Variants in LRP1B observed in about 807,000 individuals in gnomAD.
The protein encoded by LRP1B is LDL receptor related protein 1B.
LRP1B carries 217 observed loss-of-function variants against 556.6 expected under a neutral mutation model. The ratio of observed to expected loss-of-function variants is 0.39; its 90% CI spans 0.35 to 0.44. The LOEUF (loss-of-function observed/expected upper bound fraction) is 0.44. Ranked by LOEUF, LRP1B falls within the 20% of genes least tolerant of loss-of-function variation. The pLI is 1.00. For synonymous variants in LRP1B, 2,047 were observed against 1,865.8 expected (o/e 1.10, Z -2.50); for missense variants, 5,053 against 5,620.8 (o/e 0.90, Z 3.23).
intron 2 of LRP1B, among the ~76,000 whole-genome samples, chr2:141,522,995 T>G (rs977910776): frequency 2.6e-5 from 4 of 152,126 alleles, no homozygotes; most frequent in African/African-American, 7.2e-5. Context: ...TCCTCTGTCC[T>G]GGAGAACAAT....
intron 2 of LRP1B, among the ~76,000 whole-genome samples, chr2:141,662,401 T>G (rs2105397867): frequency 6.6e-6 from 1 of 151,544 alleles, no homozygotes; most frequent in African/African-American, 2.4e-5. Context: ...GCATAAAGAG[T>G]CAAGACCCAT....
At chr2:141,246,277 G>GA (rs1037458116) in intron 5 of LRP1B, among the ~76,000 whole-genome samples, 6 of 152,132 alleles carry the variant, frequency 3.9e-5, no homozygotes, top group African/African-American at 1.4e-4. Context: ...AATATCACAG[G>GA]AAAAATCATT....
intron 11 of LRP1B, among the ~76,000 whole-genome samples, chr2:141,020,394 T>C (rs1698031276): frequency 6.6e-6 from 1 of 152,044 alleles, no homozygotes; most frequent in Non-Finnish European, 1.5e-5. Context: ...TTTATTGTAA[T>C]TCAGTGATCT....
At chr2:141,025,531 T>G (rs2105405366) in intron 11 of LRP1B, among the ~76,000 whole-genome samples, 1 of 152,192 alleles carries the variant, frequency 6.6e-6, no homozygotes, top group Non-Finnish European at 1.5e-5. Context: ...ATAATGTGGG[T>G]TCGCCTCATC....
intron 20 of LRP1B, among the ~76,000 whole-genome samples, chr2:140,940,117 T>C (rs958012082): frequency 1.3e-5 from 2 of 152,016 alleles, no homozygotes; most frequent in African/African-American, 4.8e-5. Flanking sequence ...ACTCCTGACC[T>C]CAAGTGATCC....
rs571605649 is a variant in LRP1B, at chr2:140,657,618, CATAT to C, written c.6799+42628_6799+42631del. ...ACATATATATACATATATATACATA[CATAT>C]ATACATACATATATATACATACATA... On this transcript the variant is annotated intron_variant, in intron 41 of 90. Transcript: ENST00000389484. Among the ~76,000 whole-genome samples the C allele has an allele frequency of 4.3e-3, 494 of 115,694 alleles. 1 individual carries two copies. Among genetic ancestry groups the C allele is most frequent in the African/African-American group, 0.015 (476 of 31,518 alleles). The allele number at this position is 115,694 out of a possible 152,430, so 75.9% of individuals were successfully genotyped here.
At chr2:140,990,634 T>C (rs1246043030) in intron 16 of LRP1B, among the ~76,000 whole-genome samples, 1 of 151,598 alleles carries the variant, frequency 6.6e-6, no homozygotes, top group African/African-American at 2.4e-5. Context: ...ACTTAGGAGG[T>C]GACCAATCCT....
At chr2:141,679,546 C>G (rs1051848810) in intron 2 of LRP1B, among the ~76,000 whole-genome samples, 1 of 152,092 alleles carries the variant, frequency 6.6e-6, no homozygotes, top group Non-Finnish European at 1.5e-5. Context: ...ACCAATTTGA[C>G]TATCTCTAGT....
chr2:141,767,686 T>C (rs796168822), intron 2 of LRP1B, among the ~76,000 whole-genome samples: 1 of 152,146 alleles, frequency 6.6e-6, no homozygotes, highest in South Asian at 2.1e-4. Context: ...GAGTTCAATA[T>C]ATGGACAGGC....
At chr2:141,011,020 A>T (rs1467763399) in intron 14 of LRP1B, among the ~76,000 whole-genome samples, 2 of 148,778 alleles carry the variant, frequency 1.3e-5, no homozygotes, top group Non-Finnish European at 3.0e-5. Flanking sequence ...AAATATAAAT[A>T]AATATAGTTT....
intron 7 of LRP1B, among the ~76,000 whole-genome samples, chr2:141,144,968 T>C (rs1158384264): frequency 1.3e-5 from 2 of 152,194 alleles, no homozygotes; most frequent in Admixed American, 1.3e-4. Flanking sequence ...ACTCTTTTTG[T>C]TGACTAATAT....
At chr2:141,138,122 C>A (rs1701536255) in intron 7 of LRP1B, among the ~76,000 whole-genome samples, 1 of 151,768 alleles carries the variant, frequency 6.6e-6, no homozygotes, top group Non-Finnish European at 1.5e-5. Flanking sequence ...TCCAATCATG[C>A]AGGGTTGTTT....
At chr2:141,759,770 G>A (rs187694754) in intron 2 of LRP1B, among the ~76,000 whole-genome samples, 1 of 152,276 alleles carries the variant, frequency 6.6e-6, no homozygotes, top group African/African-American at 2.4e-5. Flanking sequence ...TGAGAAAGAT[G>A]TTTAGATCTT....
intron 1 of LRP1B, among the ~76,000 whole-genome samples, chr2:141,846,161 A>T (rs1455040210): frequency 1.3e-5 from 2 of 151,796 alleles, no homozygotes; most frequent in Non-Finnish European, 2.9e-5. Flanking sequence ...TTCTGCAAAC[A>T]AGGAAAAAAG....
At chr2:141,077,131 G>A (rs888748651) in intron 7 of LRP1B, among the ~76,000 whole-genome samples, 6 of 152,014 alleles carry the variant, frequency 3.9e-5, no homozygotes, top group Non-Finnish European at 5.9e-5. Flanking sequence ...GCCTCTAGTC[G>A]CAGCTACTCG....
intron 3 of LRP1B, among the ~76,000 whole-genome samples, chr2:141,275,648 C>T (rs1262775921): frequency 2.6e-5 from 4 of 152,090 alleles, no homozygotes; most frequent in African/African-American, 7.2e-5. Flanking sequence ...AGAAGGTTGA[C>T]GCTGCAGTAA....
intron 2 of LRP1B, among the ~76,000 whole-genome samples, chr2:141,642,843 C>T (rs1689390586): frequency 6.6e-6 from 1 of 152,060 alleles, no homozygotes; most frequent in Admixed American, 6.6e-5. Context: ...TGACAAGGTC[C>T]ATTTTGTAGC....
intron 77 of LRP1B, among the ~76,000 whole-genome samples, chr2:140,339,383 A>G (rs1308936203): frequency 6.6e-6 from 1 of 151,802 alleles, no homozygotes; most frequent in East Asian, 1.9e-4. Flanking sequence ...CAAATTTCTT[A>G]CAGTTAGCAA....
chr2:141,108,516 T>C (rs934253471), intron 7 of LRP1B, among the ~76,000 whole-genome samples: 6 of 151,664 alleles, frequency 4.0e-5, no homozygotes, highest in Non-Finnish European at 8.8e-5. Context: ...GCCCAGCTAA[T>C]TTTTTGTATT....
Sources: gnomAD v4.1 joint callset for allele counts (sites outside exome capture counted in the v4.1 genomes callset) on GRCh38, gnomAD v4.1.1 for gene constraint, MANE v1.5 for transcripts, NCBI Gene and HGNC (gene_info 2026-07-23, HGNC 2026-07-21) for gene names.